CADPS2: variants seen among roughly 807,000 people sequenced by gnomAD.
The protein encoded by CADPS2 is calcium-dependent secretion activator 2.
A neutral mutation model predicts 172.5 loss-of-function variants in CADPS2; 93 were observed. The ratio of observed to expected loss-of-function variants is 0.54; its 90% CI spans 0.46 to 0.64. CADPS2 has a LOEUF of 0.64. Ranked by LOEUF, CADPS2 falls within the 30% of genes least tolerant of loss-of-function variation. The pLI, the probability that CADPS2 is intolerant of heterozygous loss-of-function variation, is 0.00. For synonymous variants in CADPS2, 546 were observed against 555.2 expected (o/e 0.98, Z 0.23); for missense variants, 1,420 against 1,565.9 (o/e 0.91, Z 1.57).
intron 13 of CADPS2, among the ~76,000 whole-genome samples, chr7:122,473,963 C>A (rs1282180978): frequency 2.0e-5 from 3 of 152,148 alleles, no homozygotes; most frequent in African/African-American, 7.2e-5. Flanking sequence ...CTTAGGTTGT[C>A]CTTCTAAGAA....
chr7:122,768,831 A>G (rs1388790726), intron 1 of CADPS2, among the ~76,000 whole-genome samples: 1 of 152,172 alleles, frequency 6.6e-6, no homozygotes, highest in Non-Finnish European at 1.5e-5. Context: ...AGAGCATGGA[A>G]GATATATTTT....
At chr7:122,425,730 T>C (rs765578228) in intron 17 of CADPS2, among the ~76,000 whole-genome samples, 1 of 152,234 alleles carries the variant, frequency 6.6e-6, no homozygotes, top group Non-Finnish European at 1.5e-5. Flanking sequence ...ATATACATTG[T>C]ATCCATTTTT....
intron 4 of CADPS2, 34 bp from the exon 5 acceptor site, chr7:122,621,751 T>C: frequency 8.4e-7 from 1 of 1,186,410 alleles, no homozygotes; most frequent in African/African-American, 1.6e-5. Flanking sequence ...TAGTGTTACA[T>C]AAGTCATATT....
intron 1 of CADPS2, among the ~76,000 whole-genome samples, chr7:122,778,057 A>T (rs2093939518): frequency 6.6e-6 from 1 of 152,008 alleles, no homozygotes; most frequent in Admixed American, 6.5e-5. Context: ...AAGACAAGAA[A>T]ATGTAGGAAA....
At chr7:122,554,132 T>C (rs552142075) in intron 8 of CADPS2, among the ~76,000 whole-genome samples, 9 of 151,642 alleles carry the variant, frequency 5.9e-5, no homozygotes, top group Non-Finnish European at 1.3e-4. Context: ...GTATATAGCC[T>C]CGTTGGGTTA....
rs949747353 is a variant in CADPS2 at position 122,807,674 on chromosome 7, G to A, written c.340-70606C>T. Among the ~76,000 whole-genome samples, 6 of 152,254 alleles carry A rather than the reference G, an allele frequency of 3.9e-5. No homozygotes were observed. The East Asian group carries it at 5.8e-4, about 15-fold the overall frequency. ...CCAAGATCAAAGTGTTGGCAGGTCC[G>A]GTTTCTTCTGAGGCCTCCTCCACTG... On this transcript the variant is annotated intron_variant, in intron 1 of 29. Coordinates refer to ENST00000449022, the MANE Select transcript of CADPS2 (RefSeq NM_017954.11).
chr7:122,758,967 C>A (rs2093274716), intron 1 of CADPS2, among the ~76,000 whole-genome samples: 1 of 149,174 alleles, frequency 6.7e-6, no homozygotes. Flanking sequence ...TTAGCGCAAA[C>A]CAAAAATAGC....
intron 2 of CADPS2, among the ~76,000 whole-genome samples, chr7:122,727,409 T>G (rs978477938): frequency 3.3e-5 from 5 of 151,670 alleles, no homozygotes; most frequent in African/African-American, 1.2e-4. Flanking sequence ...CTGGTGAAAT[T>G]GAGAATTTAC....
chr7:122,793,612 A>G (rs1454115045), intron 1 of CADPS2, among the ~76,000 whole-genome samples: 1 of 152,174 alleles, frequency 6.6e-6, no homozygotes, highest in African/African-American at 2.4e-5. Context: ...TAATTGGGAC[A>G]TTTAACCCAT....
At position 122,831,442 on chromosome 7, in the gene CADPS2, T is replaced by A. The variant is rs1016771314; in HGVS notation, c.339+54557A>T. ...TTATGGAAATTCCCATCAGAACTTA[T>A]AATCACACTTGTATTTCAATTGGAG... On this transcript the variant is annotated intron_variant, in intron 1 of 29. Transcript: ENST00000449022. 3.3e-5 allele frequency among the ~76,000 whole-genome samples: 5 copies of A among 152,370 alleles called. No individual in the cohort carries two copies. In the East Asian group the frequency reaches 9.6e-4, roughly 29 times the overall value.
At chr7:122,735,304 A>T (rs1203655343) in intron 2 of CADPS2, among the ~76,000 whole-genome samples, 1 of 152,128 alleles carries the variant, frequency 6.6e-6, no homozygotes, top group Non-Finnish European at 1.5e-5. Flanking sequence ...CCATAAACCG[A>T]ATCTGTCTAC....
At position 122,319,060 on chromosome 7, in the gene CADPS2, CTAA is replaced by C. The variant is rs1293520099; in HGVS notation, c.*1102_*1104del. 6.6e-5 allele frequency: 10 copies of C among 152,202 alleles called. No individual in the cohort carries two copies. The East Asian group carries it at 1.9e-3, about 29-fold the overall frequency. The allele number at this position is 152,202 out of a possible 1,614,324, so 9.4% of individuals were successfully genotyped here. ...GCAAGAAAATATTTTGAGAGAACCA[CTAA>C]TAATGTGAATTACTAGTTAATATTA... On this transcript the variant is annotated 3_prime_UTR_variant, in exon 30 of 30. Coordinates refer to ENST00000449022, the MANE Select transcript of CADPS2 (RefSeq NM_017954.11).
At chr7:122,498,792 T>C (rs1044369017) in intron 9 of CADPS2, among the ~76,000 whole-genome samples, 2 of 152,152 alleles carry the variant, frequency 1.3e-5, no homozygotes, top group African/African-American at 4.8e-5. Flanking sequence ...TGCTTATAAA[T>C]TTCATCACCT....
intron 27 of CADPS2, among the ~76,000 whole-genome samples, chr7:122,358,034 G>C (rs2039646093): frequency 6.6e-6 from 1 of 152,118 alleles, no homozygotes; most frequent in South Asian, 2.1e-4. Context: ...GCTATATTTA[G>C]CTTTAAAAGA....
At chr7:122,465,249 AT>A (rs2054983925) in intron 14 of CADPS2, among the ~76,000 whole-genome samples, 1 of 152,230 alleles carries the variant, frequency 6.6e-6, no homozygotes, top group Admixed American at 6.5e-5. Flanking sequence ...GAAATCTACC[AT>A]TTCCCAGAAA....
At chr7:122,741,507 G>A (rs909024485) in intron 1 of CADPS2, among the ~76,000 whole-genome samples, 51 of 151,990 alleles carry the variant, frequency 3.4e-4, no homozygotes, top group African/African-American at 9.2e-4. Flanking sequence ...TATCCTACAC[G>A]GAGACTGGAC....
intron 4 of CADPS2, among the ~76,000 whole-genome samples, chr7:122,626,861 G>A (rs1293215790): frequency 2.6e-5 from 4 of 152,198 alleles, no homozygotes; most frequent in Non-Finnish European, 5.9e-5. Context: ...CATGAATTTG[G>A]TCACAGGTCT....
At chr7:122,570,536 T>TA (rs1460069304) in intron 7 of CADPS2, among the ~76,000 whole-genome samples, 1 of 148,526 alleles carries the variant, frequency 6.7e-6, no homozygotes, top group African/African-American at 2.5e-5. Flanking sequence ...TTACTGGGTA[T>TA]ATACCCAAAG....
chr7:122,392,112 A>T (rs964832585), intron 22 of CADPS2, among the ~76,000 whole-genome samples: 13 of 152,130 alleles, frequency 8.5e-5, no homozygotes, highest in African/African-American at 3.1e-4. Context: ...TCCTCTCATG[A>T]TTATTCTTTC....
Sources: allele counts gnomAD v4.1 joint callset (sites outside exome capture counted in the v4.1 genomes callset), GRCh38; gene constraint gnomAD v4.1.1; transcripts MANE v1.5; gene names NCBI Gene and HGNC (gene_info 2026-07-23, HGNC 2026-07-21).